Variants in PFKFB3 observed in about 807,000 individuals in gnomAD.
The protein encoded by PFKFB3 is 6-phosphofructo-2-kinase/fructose-2,6-biphosphatase 3.
Under a neutral mutation model 68.0 loss-of-function variants are expected in PFKFB3, and 33 were observed. The observed-to-expected ratio is 0.49, with a 90% CI of 0.37 to 0.65. PFKFB3 has a LOEUF of 0.65. Ranked by LOEUF, PFKFB3 falls within the 30% of genes least tolerant of loss-of-function variation. PFKFB3 has a pLI of 0.00. For synonymous variants in PFKFB3, 315 were observed against 288.2 expected (o/e 1.09, Z -0.94); for missense variants, 586 against 712.2 (o/e 0.82, Z 2.02).
chr10:6,207,282 A>G (rs571274273), intron 1 of PFKFB3, among the ~76,000 whole-genome samples: 1 of 152,322 alleles, frequency 6.6e-6, no homozygotes, highest in South Asian at 2.1e-4. Flanking sequence ...CCAAAAAAAT[A>G]CGAAAACCAG....
chr10:6,185,713 C>T lies in PFKFB3; in HGVS notation c.17-27910C>T, dbSNP rs190835331. ...TGGAGTGCAATGTGAGATTTCGGCT[C>T]ACTGCAACCTCTGCCTCCTGGGTTC... On this transcript the variant is annotated intron_variant, in intron 1 of 14. Coordinates refer to the PFKFB3 transcript ENST00000379789. 7.4e-3 allele frequency among the ~76,000 whole-genome samples: 1,084 copies of T among 145,902 alleles called. 12 individuals carry two copies. The highest frequency in any genetic ancestry group is 0.047 in the Middle Eastern group (12 of 258).
At chr10:6,189,795 G>A (rs1212964547) in intron 1 of PFKFB3, among the ~76,000 whole-genome samples, 2 of 151,952 alleles carry the variant, frequency 1.3e-5, no homozygotes, top group Admixed American at 6.6e-5. Flanking sequence ...GATTACAGGC[G>A]TGAGCCACTG....
the PFKFB3 span, among the ~76,000 whole-genome samples, chr10:6,325,461 TGAG>T: frequency 2.0e-5 from 3 of 152,208 alleles, no homozygotes; most frequent in East Asian, 3.8e-4. Context: ...GTTATGTTGT[TGAG>T]ATCACACAAT....
At chr10:6,178,534 G>A (rs1415914974) in intron 1 of PFKFB3, among the ~76,000 whole-genome samples, 1 of 150,696 alleles carries the variant, frequency 6.6e-6, no homozygotes, top group African/African-American at 2.4e-5. Context: ...ACAACAGGGA[G>A]GTGAAGCCAC....
intron 1 of PFKFB3, among the ~76,000 whole-genome samples, chr10:6,181,797 A>G (rs1295970799): frequency 1.7e-3 from 95 of 56,778 alleles, no homozygotes; most frequent in Non-Finnish European, 2.6e-3. Flanking sequence ...GACTCCGTTT[A>G]AAAAAAAAAA....
the PFKFB3 span, among the ~76,000 whole-genome samples, chr10:6,261,773 T>C: frequency 6.6e-6 from 1 of 151,956 alleles, no homozygotes; most frequent in African/African-American, 2.4e-5. Context: ...GGCAGGCAGA[T>C]CACTTGAGGT....
At chr10:6,217,531 G>A (rs1844667875) in intron 6 of PFKFB3, among the ~76,000 whole-genome samples, 1 of 142,554 alleles carries the variant, frequency 7.0e-6, no homozygotes, top group Non-Finnish European at 1.5e-5. Context: ...TGCCCCTAAT[G>A]GGACAGGTGG....
At chr10:6,163,504 G>A (rs1564590840) in intron 1 of PFKFB3, among the ~76,000 whole-genome samples, 1 of 152,164 alleles carries the variant, frequency 6.6e-6, no homozygotes, top group Non-Finnish European at 1.5e-5. Context: ...GGGCGGGTAG[G>A]TGGGGACCCA....
At chr10:6,222,492 G>T (rs929928029) in intron 10 of PFKFB3, among the ~76,000 whole-genome samples, 1 of 152,192 alleles carries the variant, frequency 6.6e-6, no homozygotes, top group African/African-American at 2.4e-5. Flanking sequence ...AGACCTGTTA[G>T]GAGCCGCTCC....
chr10:6,267,954 C>CAAAAAAAAAAA, the PFKFB3 span, among the ~76,000 whole-genome samples: 2 of 85,906 alleles, frequency 2.3e-5, no homozygotes, highest in Non-Finnish European at 4.4e-5. Context: ...GACCCTATCT[C>CAAAAAAAAAAA]AAAAAAAAAA....
chr10:6,201,692 A>T (rs532361734), upstream of PFKFB3, among the ~76,000 whole-genome samples: 2 of 152,172 alleles, frequency 1.3e-5, no homozygotes, highest in South Asian at 4.1e-4. This position sits in a 1 kb window ranked among gnomAD's most constrained non-coding sequence, Gnocchi z 4.1. Context: ...GCCGCGGTGT[A>T]GGTTTCAGCG....
At chr10:6,165,506 A>G (rs1842105782) in intron 1 of PFKFB3, among the ~76,000 whole-genome samples, 1 of 152,184 alleles carries the variant, frequency 6.6e-6, no homozygotes, top group African/African-American at 2.4e-5. Flanking sequence ...TGGGGGCACA[A>G]AACAGATTTT....
rs866235168 is a variant in PFKFB3 at position 6,183,622 on chromosome 10, T to A, written c.17-30001T>A. Among the ~76,000 whole-genome samples, 660 of 145,830 alleles carry A rather than the reference T, an allele frequency of 4.5e-3. 5 individuals are homozygous for A. The highest frequency in any genetic ancestry group is 0.015 in the African/African-American group (597 of 39,706). ...TGGTCAAAAAAAAAAAAAATATATA[T>A]ATATATATATGTATATAAATAATAT... On this transcript the variant is annotated intron_variant, in intron 1 of 14. Transcript: ENST00000379789.
At chr10:6,283,405 G>T in the PFKFB3 span, among the ~76,000 whole-genome samples, 3 of 152,220 alleles carry the variant, frequency 2.0e-5, no homozygotes, top group African/African-American at 7.2e-5. Flanking sequence ...ATGTCCTTAT[G>T]GGAATGGTGA....
At chr10:6,179,930 A>G (rs1325130534) in intron 1 of PFKFB3, among the ~76,000 whole-genome samples, 1 of 152,162 alleles carries the variant, frequency 6.6e-6, no homozygotes, top group East Asian at 1.9e-4. Flanking sequence ...CGAGACCAGG[A>G]GCATCCACTG....
intron 1 of PFKFB3, among the ~76,000 whole-genome samples, chr10:6,151,437 G>T (rs756584897): frequency 6.6e-6 from 1 of 152,164 alleles, no homozygotes; most frequent in African/African-American, 2.4e-5. Context: ...CCCAGTCCTC[G>T]GCCAGAGAAG....
At chr10:6,180,131 C>T (rs1842666612) in intron 1 of PFKFB3, among the ~76,000 whole-genome samples, 1 of 151,994 alleles carries the variant, frequency 6.6e-6, no homozygotes, top group Non-Finnish European at 1.5e-5. Flanking sequence ...TTGCTTGAGC[C>T]CAGGAGTTTG....
At chr10:6,217,310 AGC>A in intron 6 of PFKFB3, 119 bp downstream of exon 6, 2 of 910,440 alleles carry the variant, frequency 2.2e-6, no homozygotes, top group Non-Finnish European at 3.6e-6. Context: ...TAGGATGAGC[AGC>A]CCCCAGCTGG....
intron 1 of PFKFB3, among the ~76,000 whole-genome samples, chr10:6,192,366 C>CCTTTTTTTTTT (rs1564609433): frequency 8.8e-6 from 1 of 113,070 alleles, no homozygotes; most frequent in Non-Finnish European, 1.8e-5. Flanking sequence ...TTTCTTTCTT[C>CCTTTTTTTTTT]TTTTTTTTTT....
Sources: gnomAD v4.1 joint callset for allele counts (sites outside exome capture counted in the v4.1 genomes callset) on GRCh38, gnomAD v4.1.1 for gene constraint, Gnocchi (gnomAD v3.1) non-coding constraint, MANE v1.5 for transcripts, NCBI Gene and HGNC (gene_info 2026-07-23, HGNC 2026-07-21) for gene names.